Variants in RALGAPA1 observed in about 807,000 individuals in gnomAD.
RALGAPA1 encodes the protein Ral GTPase activating protein catalytic subunit alpha 1.
RALGAPA1 carries 52 observed loss-of-function variants against 269.6 expected under a neutral mutation model. The observed-to-expected ratio is 0.19, with a 90% confidence interval of 0.15 to 0.24. RALGAPA1 has a LOEUF of 0.24. Ranked by LOEUF, RALGAPA1 falls within the 10% of genes least tolerant of loss-of-function variation. The pLI is 1.00. For missense variants in RALGAPA1, 1,917 were observed against 3,013.9 expected, an observed-to-expected ratio of 0.64 and a Z score of 8.52; for synonymous variants, 817 against 1,008.3, an observed-to-expected ratio of 0.81 and a Z score of 3.60.
At chr14:35,634,007 A>G (rs2061511743) in intron 33 of RALGAPA1, among the ~76,000 whole-genome samples, 1 of 152,172 alleles carries the variant, frequency 6.6e-6, no homozygotes, top group Non-Finnish European at 1.5e-5. Flanking sequence ...TAATATTTGC[A>G]TTTTACAAAT....
intron 12 of RALGAPA1, among the ~76,000 whole-genome samples, chr14:35,734,628 C>G (rs1187033285): frequency 9.2e-5 from 14 of 152,096 alleles, no homozygotes; most frequent in Admixed American, 9.2e-4. Flanking sequence ...AAAAATCCCT[C>G]TAGACATTGG....
At chr14:35,785,623 T>G (rs1261931705) in intron 1 of RALGAPA1, among the ~76,000 whole-genome samples, 3 of 152,204 alleles carry the variant, frequency 2.0e-5, no homozygotes, top group Non-Finnish European at 4.4e-5. Flanking sequence ...GGTTTTTAAA[T>G]TCCAATTTGT....
rs2077566865 is a variant in RALGAPA1 at position 35,809,016 on chromosome 14, C to G, written c.-181G>C. The G allele has an allele frequency of 2.5e-6, 3 of 1,219,764 alleles. No individual in the cohort carries two copies. The highest frequency in any genetic ancestry group is 1.5e-5 in the African/African-American group (1 of 65,482). 75.6% of individuals were successfully genotyped at this position (1,219,764 alleles called of 1,614,324 possible). The stretch of plus-strand genomic sequence containing the variant: ...CCAGGCCAGGGCCGCCACCTCCACC[C>G]GCCTCGCGCCGCGGCTCCAAGGCAC... On this transcript the variant is annotated 5_prime_UTR_variant, in exon 1 of 42. Coordinates refer to ENST00000680220, the MANE Select transcript of RALGAPA1 (RefSeq NM_001346249.2).
chr14:35,587,415 C>G (rs1360401031), intron 37 of RALGAPA1, among the ~76,000 whole-genome samples: 2 of 152,172 alleles, frequency 1.3e-5, no homozygotes, highest in East Asian at 1.9e-4. Context: ...AAAACACATG[C>G]ATACGTATGT....
At chr14:35,662,562 T>C (rs1378157877) in intron 27 of RALGAPA1, among the ~76,000 whole-genome samples, 1 of 152,184 alleles carries the variant, frequency 6.6e-6, no homozygotes, top group Non-Finnish European at 1.5e-5. Flanking sequence ...CTTTGGAGAT[T>C]TGTTGTTGTT....
intron 1 of RALGAPA1, among the ~76,000 whole-genome samples, chr14:35,802,202 G>A (rs557173382): frequency 6.6e-6 from 1 of 152,320 alleles, no homozygotes; most frequent in Admixed American, 6.5e-5. Flanking sequence ...CAGCCACTCA[G>A]TAGGCTGAGG....
At chr14:35,750,845 G>A (rs1040812227) in intron 8 of RALGAPA1, among the ~76,000 whole-genome samples, 155 bp from the exon 9 acceptor site, 2 of 152,188 alleles carry the variant, frequency 1.3e-5, no homozygotes, top group Admixed American at 1.3e-4. Context: ...TTTGCCAGAT[G>A]TTTGCATGGA....
intron 36 of RALGAPA1, among the ~76,000 whole-genome samples, chr14:35,602,681 CT>C (rs1426670865): frequency 6.6e-6 from 1 of 152,022 alleles, no homozygotes; most frequent in Non-Finnish European, 1.5e-5. Flanking sequence ...ATTTGTACAA[CT>C]AGTTTGTATA....
At chr14:35,610,380 T>C (rs2059854459) in intron 35 of RALGAPA1, among the ~76,000 whole-genome samples, 1 of 151,928 alleles carries the variant, frequency 6.6e-6, no homozygotes, top group Non-Finnish European at 1.5e-5. Context: ...CCTCCCGGGT[T>C]CACACCATTC....
At chr14:35,649,158 C>T (rs759336703) in intron 31 of RALGAPA1, among the ~76,000 whole-genome samples, 9 of 152,154 alleles carry the variant, frequency 5.9e-5, no homozygotes, top group Non-Finnish European at 8.8e-5. Flanking sequence ...TTTTTATATG[C>T]AACAAACTGA....
At chr14:35,684,019 C>T (rs781361797) in intron 20 of RALGAPA1, 34 bp from the exon 21 acceptor site, 1 of 1,543,112 alleles carries the variant, frequency 6.5e-7, no homozygotes, top group East Asian at 2.3e-5. Context: ...ATATGAGTCC[C>T]AATTACAAAG....
intron 41 of RALGAPA1, among the ~76,000 whole-genome samples, chr14:35,542,871 A>G (rs2054135944): frequency 6.6e-6 from 1 of 152,248 alleles, no homozygotes; most frequent in Admixed American, 6.5e-5. Context: ...AACTATTATT[A>G]CAATTAACAT....
intron 17 of RALGAPA1, among the ~76,000 whole-genome samples, chr14:35,695,662 G>T (rs1321502006): frequency 6.6e-6 from 1 of 152,170 alleles, no homozygotes; most frequent in Non-Finnish European, 1.5e-5. Flanking sequence ...CATAGTACTT[G>T]ATTAGAAAAT....
intron 39 of RALGAPA1, among the ~76,000 whole-genome samples, chr14:35,566,378 A>C (rs1282012885): frequency 6.6e-6 from 1 of 152,150 alleles, no homozygotes; most frequent in Non-Finnish European, 1.5e-5. Context: ...CTAGGATAAA[A>C]TTTAAACTGT....
At chr14:35,580,461 G>A (rs2057883677) in intron 37 of RALGAPA1, among the ~76,000 whole-genome samples, 1 of 152,146 alleles carries the variant, frequency 6.6e-6, no homozygotes, top group African/African-American at 2.4e-5. Context: ...CAGATTGCTT[G>A]GACTGGGGTT....
rs1318100807 is a variant in RALGAPA1 at position 35,677,994 on chromosome 14, T to A, written c.4580A>T (p.Asp1527Val). 3.1e-6 allele frequency: 5 copies of A among 1,613,744 alleles called. No individual in the cohort carries two copies. The highest frequency in any genetic ancestry group is 4.2e-6 in the Non-Finnish European group (5 of 1,179,932). The change falls in exon 22 of 42, where the codon GAC becomes GTC. Residue 1527 changes from aspartate to valine, a missense_variant. Transcript: ENST00000680220. ...AAGAACAGAGTGGTGGAGCTTCTCG[T>A]CGAGCTGCAGATCCTTCTGTTCCAT... ...DHMEQKDLQL[D>V]EKLHHSVLQT...
chr14:35,654,136 C>T (rs1038852881), intron 30 of RALGAPA1, among the ~76,000 whole-genome samples: 2 of 152,116 alleles, frequency 1.3e-5, no homozygotes, highest in African/African-American at 4.8e-5. Context: ...CCAGGCTGGC[C>T]TAATAAATTG....
At chr14:35,690,125 A>G (rs2066353213) in intron 17 of RALGAPA1, 122 bp from the exon 18 acceptor site, 2 of 654,744 alleles carry the variant, frequency 3.1e-6, no homozygotes, top group South Asian at 5.5e-5. Context: ...AAGCTCAATG[A>G]AAAAAAAATC....
Position 35,689,335 on chromosome 14 carries a change from C to CT in RALGAPA1, c.3075dup (p.Asp1026ArgfsTer5). 1 of 1,232,150 alleles carries CT rather than the reference C, an allele frequency of 8.1e-7. No homozygotes were observed. Among genetic ancestry groups the CT allele is most frequent in the East Asian group, 3.2e-5 (1 of 31,698 alleles). 76.3% of individuals were successfully genotyped at this position (1,232,150 alleles called of 1,614,324 possible). A position where few individuals can be genotyped will look rare whatever the true frequency, so the allele number is the denominator to read the frequency against. On this transcript the variant is annotated frameshift_variant, in exon 18 of 42. Transcript: ENST00000680220. LOFTEE classifies it high-confidence loss of function. ...GAAGTTTGTGTTCTAAAAAAACTGT[C>CT]TGACTGGTTAGGTGCGATATTACTC...
Sources: gnomAD v4.1 joint callset for allele counts (sites outside exome capture counted in the v4.1 genomes callset) on GRCh38, gnomAD v4.1.1 for gene constraint, MANE v1.5 for transcripts, NCBI Gene and HGNC (gene_info 2026-07-23, HGNC 2026-07-21) for gene names.